Variants in KCNQ5 observed in about 807,000 individuals in gnomAD.
The protein encoded by KCNQ5 is potassium voltage-gated channel subfamily Q member 5.
Under a neutral mutation model 98.2 loss-of-function variants are expected in KCNQ5, and 30 were observed. That is an observed-to-expected ratio of 0.31 (90% CI 0.23 to 0.41). The LOEUF is 0.41. Ranked by LOEUF, KCNQ5 falls within the 10% of genes least tolerant of loss-of-function variation. The pLI, the probability that KCNQ5 is intolerant of heterozygous loss-of-function variation, is 1.00. For missense variants in KCNQ5, 835 were observed against 1,182.5 expected (o/e 0.71, Z 4.31); for synonymous variants, 458 against 449.4 (o/e 1.02, Z -0.24).
chr6:72,666,840 T>C (rs147177820), intron 1 of KCNQ5, among the ~76,000 whole-genome samples: 1 of 152,316 alleles, frequency 6.6e-6, no homozygotes, highest in Admixed American at 6.5e-5. Flanking sequence ...ATTCATGATA[T>C]AATGGTGAAC....
chr6:72,640,348 G>A (rs1451636443), intron 1 of KCNQ5, among the ~76,000 whole-genome samples: 8 of 107,274 alleles, frequency 7.5e-5, no homozygotes, highest in Admixed American at 6.1e-4. Flanking sequence ...AAAAAAAAAA[G>A]TAATTTTTAT....
At chr6:72,856,398 C>G (rs1412217195) in intron 1 of KCNQ5, among the ~76,000 whole-genome samples, 1 of 150,742 alleles carries the variant, frequency 6.6e-6, no homozygotes, top group East Asian at 1.9e-4. Context: ...TAAAATAGGC[C>G]AATAATTTTA....
At chr6:72,737,692 A>C (rs1183897513) in intron 1 of KCNQ5, among the ~76,000 whole-genome samples, 1 of 152,202 alleles carries the variant, frequency 6.6e-6, no homozygotes, top group Non-Finnish European at 1.5e-5. Context: ...TTTTACATTT[A>C]AATGCTAATG....
intron 5 of KCNQ5, among the ~76,000 whole-genome samples, chr6:73,093,821 C>T (rs950916876): frequency 2.0e-5 from 3 of 151,934 alleles, no homozygotes; most frequent in Admixed American, 2.0e-4. Context: ...CATTTTGTGG[C>T]CTGTCATATG....
intron 1 of KCNQ5, among the ~76,000 whole-genome samples, chr6:72,781,644 A>G (rs774914234): frequency 6.6e-6 from 1 of 152,124 alleles, no homozygotes; most frequent in African/African-American, 2.4e-5. Context: ...TGCTGCCCAT[A>G]CTCAAGTATT....
At chr6:73,132,426 G>A (rs1017069082) in intron 9 of KCNQ5, among the ~76,000 whole-genome samples, 2 of 152,068 alleles carry the variant, frequency 1.3e-5, no homozygotes, top group African/African-American at 2.4e-5. Context: ...GGTACACAAA[G>A]CTTCTTACAG....
At chr6:73,121,858 C>A (rs1775765304) in intron 8 of KCNQ5, among the ~76,000 whole-genome samples, 1 of 152,160 alleles carries the variant, frequency 6.6e-6, no homozygotes, top group Admixed American at 6.6e-5. Context: ...AAGAGTTGGG[C>A]AAGATGATTC....
At chr6:72,825,724 C>G (rs1775965346) in intron 1 of KCNQ5, among the ~76,000 whole-genome samples, 2 of 152,178 alleles carry the variant, frequency 1.3e-5, no homozygotes, top group Non-Finnish European at 2.9e-5. Context: ...TCAGCCCATT[C>G]TTTAGCCACC....
At chr6:72,969,428 C>A (rs899977456) in intron 1 of KCNQ5, among the ~76,000 whole-genome samples, 1 of 152,132 alleles carries the variant, frequency 6.6e-6, no homozygotes, top group Non-Finnish European at 1.5e-5. Context: ...ACAATAATGG[C>A]AATTTCATAT....
At chr6:73,073,606 A>G (rs1163385091) in intron 3 of KCNQ5, among the ~76,000 whole-genome samples, 1 of 152,206 alleles carries the variant, frequency 6.6e-6, no homozygotes, top group Non-Finnish European at 1.5e-5. Context: ...GACTTGATCA[A>G]TAATTGTGAT....
intron 1 of KCNQ5, among the ~76,000 whole-genome samples, chr6:72,856,495 C>CACAT (rs1554171766): frequency 1.4e-5 from 2 of 144,144 alleles, no homozygotes; most frequent in African/African-American, 5.0e-5. Context: ...CACACACACA[C>CACAT]GTGTGTGTAT....
intron 11 of KCNQ5, among the ~76,000 whole-genome samples, chr6:73,181,642 A>G (rs1778407676): frequency 6.6e-6 from 1 of 152,274 alleles, no homozygotes. Flanking sequence ...TGTGCCAGGC[A>G]CATGTGAGTA....
intron 3 of KCNQ5, among the ~76,000 whole-genome samples, chr6:73,047,742 T>G (rs1308693894): frequency 2.0e-5 from 3 of 152,174 alleles, no homozygotes; most frequent in African/African-American, 7.2e-5. Flanking sequence ...AACATAATCT[T>G]AAGTATAAAG....
At chr6:72,869,295 A>G (rs1778111143) in intron 1 of KCNQ5, among the ~76,000 whole-genome samples, 1 of 152,182 alleles carries the variant, frequency 6.6e-6, no homozygotes, top group Non-Finnish European at 1.5e-5. Context: ...AATTCCTTCT[A>G]TCCCGGACAT....
rs117766870 is a variant in KCNQ5, at chr6:72,665,086, G to A, written c.398+42499G>A. Among the ~76,000 whole-genome samples, 1,420 of 151,060 alleles carry A rather than the reference G, an allele frequency of 9.4e-3. 13 individuals carry two copies. The highest frequency in any genetic ancestry group is 0.02 in the East Asian group (103 of 5,166). On this transcript the variant is annotated intron_variant, in intron 1 of 13. Transcript: ENST00000370398. ...TAACTGCCTGGGTGTGGTGTCTCAC[G>A]CCTGTAATCCCAGCACTTTGGGAGG...
intron 1 of KCNQ5, among the ~76,000 whole-genome samples, chr6:72,677,806 C>T (rs926965411): frequency 1.3e-5 from 2 of 152,134 alleles, no homozygotes. Flanking sequence ...AATCAAATAT[C>T]AACATACAAA....
At chr6:72,757,445 G>A (rs1028714541) in intron 1 of KCNQ5, among the ~76,000 whole-genome samples, 14 of 152,196 alleles carry the variant, frequency 9.2e-5, no homozygotes, top group African/African-American at 1.2e-4. Flanking sequence ...AATTTAAAAC[G>A]CTTAACTTCC....
chr6:72,757,840 AAATT>A lies in KCNQ5; in HGVS notation c.398+135256_398+135259del, dbSNP rs575302909. Among the ~76,000 whole-genome samples, 275 of 152,278 alleles carry A rather than the reference AAATT, an allele frequency of 1.8e-3. 1 individual carries two copies. Among genetic ancestry groups the A allele is most frequent in the African/African-American group, 6.4e-3 (264 of 41,554 alleles). On this transcript the variant is annotated intron_variant, in intron 1 of 13. Coordinates refer to ENST00000370398, the MANE Select transcript of KCNQ5 (RefSeq NM_019842.4). ...TAAATTCATTTCTAAGAACAGAAGA[AAATT>A]AAAGATATTAATTATGAAGTTACAA...
At chr6:73,065,638 C>G (rs1773016432) in intron 3 of KCNQ5, among the ~76,000 whole-genome samples, 3 of 152,376 alleles carry the variant, frequency 2.0e-5, no homozygotes, top group South Asian at 4.1e-4. Flanking sequence ...AAGCTATTCC[C>G]AAAGCTGTCG....
Sources: gnomAD v4.1 joint callset for allele counts (sites outside exome capture counted in the v4.1 genomes callset) on GRCh38, gnomAD v4.1.1 for gene constraint, MANE v1.5 for transcripts, NCBI Gene and HGNC (gene_info 2026-07-23, HGNC 2026-07-21) for gene names.